Variants in TOP6BL observed in about 807,000 individuals in gnomAD.
The protein encoded by TOP6BL is type 2 DNA topoisomerase 6 subunit B-like.
chr11:66,811,572 A>T, the TOP6BL span, among the ~76,000 whole-genome samples: 1 of 152,210 alleles, frequency 6.6e-6, no homozygotes, highest in Non-Finnish European at 1.5e-5. Context: ...TATAACATCT[A>T]TGGAAATAAA....
At chr11:66,764,194 T>C in the TOP6BL span, among the ~76,000 whole-genome samples, 1 of 152,190 alleles carries the variant, frequency 6.6e-6, no homozygotes, top group Admixed American at 6.5e-5. Flanking sequence ...TTGGGAGATC[T>C]GAATCCAAGT....
At chr11:66,843,339 C>T in the TOP6BL span, 35 of 1,483,400 alleles carry the variant, frequency 2.4e-5, no homozygotes, top group South Asian at 4.2e-4. Flanking sequence ...TCTTCCGCGT[C>T]TGCTTCCGCG....
At chr11:66,814,253 C>T in the TOP6BL span, among the ~76,000 whole-genome samples, 1 of 151,212 alleles carries the variant, frequency 6.6e-6, no homozygotes, top group Non-Finnish European at 1.5e-5. Context: ...TTTTTTGTTG[C>T]TTGTTTTTGT....
At chr11:66,776,909 G>A in the TOP6BL span, among the ~76,000 whole-genome samples, 3 of 151,998 alleles carry the variant, frequency 2.0e-5, no homozygotes, top group Non-Finnish European at 2.9e-5. Context: ...AAATTAGCTG[G>A]GCATGGTGGT....
chr11:66,781,781 C>G, the TOP6BL span, among the ~76,000 whole-genome samples: 4 of 152,134 alleles, frequency 2.6e-5, no homozygotes, highest in Non-Finnish European at 5.9e-5. Context: ...CAAGCGATCT[C>G]CCTGCCTTGG....
the TOP6BL span, among the ~76,000 whole-genome samples, chr11:66,818,121 C>G: frequency 6.6e-6 from 1 of 152,182 alleles, no homozygotes; most frequent in African/African-American, 2.4e-5. Context: ...CACTCTAGTG[C>G]TATTTGGTGT....
At chr11:66,803,885 G>A in the TOP6BL span, 1 of 760,476 alleles carries the variant, frequency 1.3e-6, no homozygotes, top group Non-Finnish European at 2.1e-6. Context: ...GATATGGCAG[G>A]TTGTGTGGTT....
chr11:66,761,846 T>C, the TOP6BL span: 3 of 909,736 alleles, frequency 3.3e-6, no homozygotes, highest in African/African-American at 4.9e-5. Context: ...CTTGTCCAGC[T>C]TCATCCTCTG....
chr11:66,831,941 G>A, the TOP6BL span, among the ~76,000 whole-genome samples: 21 of 135,066 alleles, frequency 1.6e-4, no homozygotes, highest in South Asian at 2.5e-4. Flanking sequence ...AAGTTGCAGC[G>A]AGCTGAGATC....
At chr11:66,801,193 C>T in the TOP6BL span, 1 of 1,352,314 alleles carries the variant, frequency 7.4e-7, no homozygotes, top group Non-Finnish European at 1.0e-6. Context: ...TCTCACTTGT[C>T]ATTTGTAAGT....
the TOP6BL span, among the ~76,000 whole-genome samples, chr11:66,791,421 TTATACA>T: frequency 8.9e-3 from 1,354 of 152,250 alleles, 22 homozygotes; most frequent in African/African-American, 0.03. Context: ...GTGAATGGAG[TTATACA>T]TATATACATA....
the TOP6BL span, among the ~76,000 whole-genome samples, chr11:66,767,567 T>C: frequency 6.6e-6 from 1 of 152,238 alleles, no homozygotes; most frequent in Non-Finnish European, 1.5e-5. Flanking sequence ...ATAACTTAGC[T>C]CTTTATACAG....
At chr11:66,831,746 A>C in the TOP6BL span, among the ~76,000 whole-genome samples, 1 of 152,162 alleles carries the variant, frequency 6.6e-6, no homozygotes, top group Non-Finnish European at 1.5e-5. Flanking sequence ...CTGTAATCCC[A>C]GCACTTTGGG....
the TOP6BL span, among the ~76,000 whole-genome samples, chr11:66,810,620 A>C: frequency 1.3e-5 from 2 of 152,202 alleles, no homozygotes; most frequent in Admixed American, 1.3e-4. Context: ...GTAGGGGAAC[A>C]GTCAATTATG....
At chr11:66,816,346 A>G in the TOP6BL span, 3 of 963,366 alleles carry the variant, frequency 3.1e-6, no homozygotes, top group Non-Finnish European at 4.4e-6. Flanking sequence ...AAATGAACAT[A>G]TCCTATAGAA....
chr11:66,826,409 T>C, the TOP6BL span, among the ~76,000 whole-genome samples: 1 of 152,204 alleles, frequency 6.6e-6, no homozygotes, highest in Non-Finnish European at 1.5e-5. Flanking sequence ...CTTGCTTATA[T>C]AGTGGTTCAG....
the TOP6BL span, chr11:66,756,360 T>C: frequency 8.4e-7 from 1 of 1,183,918 alleles, no homozygotes. Flanking sequence ...CAGGATGGAG[T>C]CTCACTCTGT....
At chr11:66,808,560 G>A in the TOP6BL span, among the ~76,000 whole-genome samples, 1 of 151,952 alleles carries the variant, frequency 6.6e-6, no homozygotes, top group Non-Finnish European at 1.5e-5. Flanking sequence ...TTACTATGTT[G>A]ATGAAAATGA....
chr11:66,764,796 C>T, the TOP6BL span, among the ~76,000 whole-genome samples: 3 of 151,844 alleles, frequency 2.0e-5, no homozygotes, highest in African/African-American at 7.2e-5. Context: ...CCCATCTCTA[C>T]AAAAAATACA....
Sources: allele counts gnomAD v4.1 joint callset (sites outside exome capture counted in the v4.1 genomes callset), GRCh38; gene constraint gnomAD v4.1.1; transcripts MANE v1.5; gene names NCBI Gene and HGNC (gene_info 2026-07-23, HGNC 2026-07-21).